The following HDAC9 variants were observed in gnomAD, a reference collection of about 807,000 sequenced individuals.
HDAC9 encodes histone deacetylase 9, also known as MEF-2 interacting transcription repressor (MITR) protein.
A neutral mutation model predicts 139.4 loss-of-function variants in HDAC9; 41 were observed. The ratio of observed to expected loss-of-function variants is 0.29; its 90% CI spans 0.23 to 0.38. HDAC9 has a LOEUF of 0.38. Among genes scored for constraint, HDAC9 ranks in the 10% least tolerant of loss-of-function variants. The pLI, the probability that HDAC9 is intolerant of heterozygous loss-of-function variation, is 1.00. For missense variants in HDAC9, 1,147 were observed against 1,297.0 expected (o/e 0.88, Z 1.78); for synonymous variants, 517 against 476.2 (o/e 1.09, Z -1.12).
chr7:18,126,542 A>T (rs1197162313), intron 1 of HDAC9, among the ~76,000 whole-genome samples: 1 of 152,184 alleles, frequency 6.6e-6, no homozygotes, highest in Admixed American at 6.5e-5. Context: ...TCAAAAGCAG[A>T]TTAATTATTA....
chr7:18,138,111 C>T (rs1178364), intron 1 of HDAC9, among the ~76,000 whole-genome samples: 21,173 of 152,178 alleles, frequency 0.14, 2,775 homozygotes, highest in African/African-American at 0.35. Flanking sequence ...TTGTAGTATT[C>T]TGTGATGGTA....
chr7:18,891,757 A>G (rs902124599), intron 22 of HDAC9, among the ~76,000 whole-genome samples: 4 of 152,112 alleles, frequency 2.6e-5, no homozygotes, highest in African/African-American at 9.7e-5. Flanking sequence ...TGGAACCTGA[A>G]AAGTCTACAC....
chr7:18,991,048 T>C (rs936878785), intron 25 of HDAC9, among the ~76,000 whole-genome samples: 2 of 152,270 alleles, frequency 1.3e-5, no homozygotes, highest in Non-Finnish European at 2.9e-5. Flanking sequence ...GCTGTTCCTA[T>C]TCGGCCATCT....
At chr7:18,397,350 A>G (rs1787157026) in intron 1 of HDAC9, among the ~76,000 whole-genome samples, 1 of 152,190 alleles carries the variant, frequency 6.6e-6, no homozygotes, top group Admixed American at 6.6e-5. Context: ...ACTGAGAGGC[A>G]TCAAATGCTT....
At chr7:18,752,104 C>G (rs1041538167) in intron 14 of HDAC9, among the ~76,000 whole-genome samples, 1 of 152,042 alleles carries the variant, frequency 6.6e-6, no homozygotes, top group Non-Finnish European at 1.5e-5. Context: ...TATTTCATGC[C>G]AAATTATTTT....
At chr7:18,799,204 A>G (rs907710809) in intron 17 of HDAC9, among the ~76,000 whole-genome samples, 2 of 152,220 alleles carry the variant, frequency 1.3e-5, no homozygotes, top group African/African-American at 4.8e-5. Context: ...CTTCAGTAGC[A>G]TATAAAACAT....
chr7:18,773,288 A>C (rs187098583), intron 16 of HDAC9, among the ~76,000 whole-genome samples: 5 of 152,062 alleles, frequency 3.3e-5, no homozygotes, highest in African/African-American at 1.2e-4. Context: ...ATGGCTAAAA[A>C]AATGCCATCA....
chr7:18,961,418 T>A (rs1783520673), intron 24 of HDAC9, among the ~76,000 whole-genome samples: 1 of 152,094 alleles, frequency 6.6e-6, no homozygotes, highest in Non-Finnish European at 1.5e-5. Flanking sequence ...GAGATGATGG[T>A]GGTGATCAGC....
intron 1 of HDAC9, among the ~76,000 whole-genome samples, chr7:18,105,805 C>A (rs866691316): frequency 6.6e-6 from 1 of 151,874 alleles, no homozygotes; most frequent in Non-Finnish European, 1.5e-5. Flanking sequence ...TTTATAATAG[C>A]CAGAAAGTGG....
At chr7:18,590,764 GT>G (rs1461799940) in intron 4 of HDAC9, among the ~76,000 whole-genome samples, 2 of 152,154 alleles carry the variant, frequency 1.3e-5, no homozygotes, top group Non-Finnish European at 2.9e-5. Flanking sequence ...TTCTAAAGCA[GT>G]CTAATATATG....
intron 2 of HDAC9, among the ~76,000 whole-genome samples, chr7:18,560,162 T>A (rs2128703266): frequency 6.6e-6 from 1 of 152,304 alleles, no homozygotes; most frequent in African/African-American, 2.4e-5. Context: ...AAAAAATAAT[T>A]GGGCTCAGAC....
At position 18,290,840 on chromosome 7, in the gene HDAC9, C is replaced by T. The variant is rs979560130; in HGVS notation, c.-42+325C>T. On this transcript the variant is annotated intron_variant, in intron 1 of 3. Coordinates refer to the HDAC9 transcript ENST00000413509. The stretch of plus-strand genomic sequence containing the variant: ...TACTCTGATTTTTTGAAATTTAGCC[C>T]GGAATTGTCAGCAGGGGCATTATCT... 8.5e-5 allele frequency among the ~76,000 whole-genome samples: 13 copies of T among 152,188 alleles called. No homozygotes were observed. In the South Asian group the frequency reaches 1.0e-3, roughly 12 times the overall value.
intron 2 of HDAC9, among the ~76,000 whole-genome samples, chr7:18,251,280 C>G (rs1794901121): frequency 6.6e-6 from 1 of 152,144 alleles, no homozygotes; most frequent in Admixed American, 6.5e-5. Flanking sequence ...ACCGCATGTT[C>G]TCACTTATAA....
At chr7:18,438,344 A>G (rs765047124) in intron 1 of HDAC9, among the ~76,000 whole-genome samples, 2 of 152,112 alleles carry the variant, frequency 1.3e-5, no homozygotes, top group African/African-American at 2.4e-5. Context: ...TGGTAATGCT[A>G]TGGGGTGTGC....
intron 24 of HDAC9, among the ~76,000 whole-genome samples, chr7:18,958,311 CT>C (rs1203763882): frequency 6.6e-6 from 1 of 152,050 alleles, no homozygotes; most frequent in African/African-American, 2.4e-5. Flanking sequence ...CATGTTATTC[CT>C]TAAGAAATTA....
chr7:18,195,387 C>G (rs1190689594), intron 2 of HDAC9, among the ~76,000 whole-genome samples: 1 of 152,080 alleles, frequency 6.6e-6, no homozygotes, highest in Non-Finnish European at 1.5e-5. Context: ...GGATGGTTCC[C>G]TATAATCAAA....
At chr7:18,791,623 T>C (rs1026709751) in intron 16 of HDAC9, among the ~76,000 whole-genome samples, 13 of 152,122 alleles carry the variant, frequency 8.5e-5, no homozygotes, top group Admixed American at 7.9e-4. Flanking sequence ...TCGACTATGA[T>C]AGGGGATGCT....
chr7:18,340,037 TC>T, intron 1 of HDAC9, among the ~76,000 whole-genome samples: 1 of 151,638 alleles, frequency 6.6e-6, no homozygotes, highest in African/African-American at 2.4e-5. Flanking sequence ...TCCTTGCCAT[TC>T]TGTTAATTTT....
chr7:18,402,634 G>C (rs898588213), intron 1 of HDAC9, among the ~76,000 whole-genome samples: 13 of 152,150 alleles, frequency 8.5e-5, no homozygotes, highest in African/African-American at 3.1e-4. Flanking sequence ...CAAGTGAGAG[G>C]CATGATAAGA....
Sources: allele counts gnomAD v4.1 joint callset (sites outside exome capture counted in the v4.1 genomes callset), GRCh38; gene constraint gnomAD v4.1.1; transcripts MANE v1.5; gene names NCBI Gene and HGNC (gene_info 2026-07-23, HGNC 2026-07-21).